Variants in ITGA9 observed in about 807,000 individuals in gnomAD.
The protein encoded by ITGA9 is integrin alpha-9.
A neutral mutation model predicts 127.8 loss-of-function variants in ITGA9; 56 were observed. The ratio of observed to expected loss-of-function variants is 0.44; its 90% CI spans 0.35 to 0.55. The LOEUF (loss-of-function observed/expected upper bound fraction) is 0.55, where lower values mean the gene tolerates loss of function less well. ITGA9 is among the 20% of genes least tolerant of loss of function. The pLI is 0.00. For missense variants in ITGA9, 1,196 were observed against 1,347.1 expected, an observed-to-expected ratio of 0.89 and a Z score of 1.76; for synonymous variants, 508 against 514.5, an observed-to-expected ratio of 0.99 and a Z score of 0.17.
intron 15 of ITGA9, among the ~76,000 whole-genome samples, chr3:37,619,466 C>G (rs1043686877): frequency 6.6e-6 from 1 of 152,146 alleles, no homozygotes; most frequent in African/African-American, 2.4e-5. Flanking sequence ...GATGTGGTCT[C>G]AGGAAAAGTC....
chr3:37,598,918 A>C (rs1314949493), intron 15 of ITGA9, among the ~76,000 whole-genome samples: 1 of 152,296 alleles, frequency 6.6e-6, no homozygotes, highest in Non-Finnish European at 1.5e-5. Flanking sequence ...TGACCAGTTA[A>C]GCCCAGTGGG....
intron 20 of ITGA9, among the ~76,000 whole-genome samples, chr3:37,739,794 G>T (rs1696410567): frequency 6.6e-6 from 1 of 152,156 alleles, no homozygotes; most frequent in Admixed American, 6.5e-5. Context: ...AAACGGCAGG[G>T]CAAGACCTGG....
At chr3:37,511,807 C>T (rs1295642044) in intron 8 of ITGA9, among the ~76,000 whole-genome samples, 1 of 152,156 alleles carries the variant, frequency 6.6e-6, no homozygotes, top group Non-Finnish European at 1.5e-5. Context: ...CTGTTAGCTG[C>T]AGGAAATAGA....
chr3:37,615,449 A>C (rs1322113293), intron 15 of ITGA9, among the ~76,000 whole-genome samples: 4 of 152,210 alleles, frequency 2.6e-5, no homozygotes, highest in Non-Finnish European at 4.4e-5. Context: ...TGTCTCTGCC[A>C]GGCTTTGGTA....
chr3:37,504,737 C>T (rs779891309), intron 6 of ITGA9, among the ~76,000 whole-genome samples: 3 of 152,150 alleles, frequency 2.0e-5, no homozygotes, highest in Non-Finnish European at 4.4e-5. Flanking sequence ...ATCAAGGATC[C>T]GTTCAGGCTT....
intron 26 of ITGA9, among the ~76,000 whole-genome samples, chr3:37,801,529 T>C (rs953379377): frequency 2.0e-5 from 3 of 151,434 alleles, no homozygotes; most frequent in Non-Finnish European, 4.4e-5. Flanking sequence ...GCCAGCACTT[T>C]GGGAGCTGAG....
At chr3:37,658,762 T>A (rs902732233) in intron 17 of ITGA9, among the ~76,000 whole-genome samples, 5 of 152,232 alleles carry the variant, frequency 3.3e-5, no homozygotes, top group African/African-American at 1.2e-4. Context: ...CATTAATTGA[T>A]GCAGCTTCTT....
intron 16 of ITGA9, among the ~76,000 whole-genome samples, chr3:37,642,095 G>A (rs1162670964): frequency 2.0e-5 from 3 of 151,992 alleles, no homozygotes; most frequent in Admixed American, 6.5e-5. Context: ...GTGCCACCAC[G>A]CCTGGCTATT....
At chr3:37,787,123 T>G (rs551423654) in intron 26 of ITGA9, among the ~76,000 whole-genome samples, 2 of 152,308 alleles carry the variant, frequency 1.3e-5, no homozygotes, top group East Asian at 3.9e-4. Context: ...AAAAGAAAAG[T>G]GGTTCCCTGC....
intron 9 of ITGA9, among the ~76,000 whole-genome samples, chr3:37,514,103 G>T (rs1433923507): frequency 6.6e-6 from 1 of 152,184 alleles, no homozygotes; most frequent in East Asian, 1.9e-4. Flanking sequence ...ACACCCAGGG[G>T]CCAAGGAAGA....
In ITGA9 at chr3:37,542,557, C is replaced by T. The variant is rs796205517; in HGVS notation, c.1661C>T (p.Thr554Met). 21 of 1,614,142 alleles carry T rather than the reference C, an allele frequency of 1.3e-5. No individual in the cohort carries two copies. The highest frequency in any genetic ancestry group is 1.7e-4 in the Middle Eastern group (1 of 6,050). ...CTGCAGCTGACTTACATGGAGGAGA[C>T]GTGTCGTCACTATGTGGCCCATGTG... ...EKLQLTYMEE[T>M]CRHYVAHVKR... Residue 554 changes from threonine (T) to methionine (M), a missense_variant, in exon 15 of 28, where the codon ACG becomes ATG. Transcript: ENST00000264741.
chr3:37,749,187 G>T (rs1429032916), intron 22 of ITGA9: 1 of 192,854 alleles, frequency 5.2e-6, no homozygotes, highest in African/African-American at 2.4e-5. Context: ...AGCCTCTAAG[G>T]GCTGCCTGCA....
intron 17 of ITGA9, among the ~76,000 whole-genome samples, chr3:37,671,503 C>G (rs1164447962): frequency 6.6e-6 from 1 of 152,120 alleles, no homozygotes; most frequent in Non-Finnish European, 1.5e-5. Flanking sequence ...ACATATTTAC[C>G]TTAATTATCT....
At chr3:37,513,150 TGTCAAATGTCTGATATA>T (rs139049364) in intron 8 of ITGA9, among the ~76,000 whole-genome samples, 6,892 of 152,292 alleles carry the variant, frequency 0.045, 441 homozygotes, top group African/African-American at 0.15. Context: ...TGCTTGGCCT[TGTCAAATGTCTGATATA>T]AGGAGCATTT....
chr3:37,674,792 G>A lies in ITGA9; in HGVS notation c.1917-9073G>A, dbSNP rs557395438. ...CATTTGGCTGGACTGTGAGGCCTGGGACTTGAACCACATCAGTAGAAATTG... is the reference window on the plus strand; with the variant it reads ...CATTTGGCTGGACTGTGAGGCCTGGAACTTGAACCACATCAGTAGAAATTG... On this transcript the variant is annotated intron_variant, in intron 17 of 27. Transcript: ENST00000264741. 8.1e-4 allele frequency among the ~76,000 whole-genome samples: 124 copies of A among 152,292 alleles called. 1 individual carries two copies. Among genetic ancestry groups the A allele is most frequent in the African/African-American group, 2.9e-3 (120 of 41,550 alleles).
chr3:37,819,130 A>AGGTG lies in ITGA9; in HGVS notation c.*142_*145dup, dbSNP rs1423028500. On this transcript the variant is annotated 3_prime_UTR_variant, in exon 28 of 28. Coordinates refer to ENST00000264741, the MANE Select transcript of ITGA9 (RefSeq NM_002207.3). ...TTCTCTTCTTCATTCTATCAAGCCC[A>AGGTG]GGTGCCAGCCTGAGGCAGCCACTTC... 6 of 738,070 alleles carry AGGTG rather than the reference A, an allele frequency of 8.1e-6. No individual in the cohort carries two copies. The East Asian group carries it at 1.6e-4, about 20-fold the overall frequency. 45.7% of individuals were successfully genotyped at this position (738,070 alleles called of 1,614,324 possible). A position where few individuals can be genotyped will look rare whatever the true frequency, so the allele number is the denominator to read the frequency against.
intron 16 of ITGA9, among the ~76,000 whole-genome samples, chr3:37,631,920 G>C (rs1317777734): frequency 6.6e-6 from 1 of 152,174 alleles, no homozygotes; most frequent in East Asian, 1.9e-4. Flanking sequence ...AAGATAGTGT[G>C]GGCGGCCTCG....
chr3:37,546,490 C>T (rs542957962), intron 15 of ITGA9, among the ~76,000 whole-genome samples: 5 of 152,220 alleles, frequency 3.3e-5, no homozygotes, highest in Non-Finnish European at 7.3e-5. Context: ...ATCAGATGTG[C>T]CTTGCCCCAT....
intron 15 of ITGA9, among the ~76,000 whole-genome samples, chr3:37,579,304 A>G (rs887833601): frequency 1.3e-5 from 2 of 152,202 alleles, no homozygotes; most frequent in Non-Finnish European, 2.9e-5. Context: ...TCAAGGATCA[A>G]GGATCCTTTC....
Sources: gnomAD v4.1 joint callset for allele counts (sites outside exome capture counted in the v4.1 genomes callset) on GRCh38, gnomAD v4.1.1 for gene constraint, MANE v1.5 for transcripts, NCBI Gene and HGNC (gene_info 2026-07-23, HGNC 2026-07-21) for gene names.